MCTP2: variants seen among roughly 807,000 people sequenced by gnomAD.
MCTP2 encodes the protein multiple C2 and transmembrane domain containing 2, also known as multiple C2 and transmembrane domain-containing protein 2.
In MCTP2, 132 loss-of-function variants were observed where a neutral mutation model predicts 111.6. The observed-to-expected ratio is 1.18, with a 90% CI of 1.03 to 1.37. The LOEUF is 1.37. Among genes scored for constraint, MCTP2 ranks in the 40% most tolerant of loss-of-function variants. MCTP2 has a pLI of 0.00. For synonymous variants in MCTP2, 395 were observed against 387.7 expected, an observed-to-expected ratio of 1.02 and a Z score of -0.22; for missense variants, 1,183 against 1,067.9, an observed-to-expected ratio of 1.11 and a Z score of -1.50.
intron 1 of MCTP2, among the ~76,000 whole-genome samples, chr15:94,245,582 A>T (rs997794543): frequency 3.5e-5 from 5 of 144,616 alleles, no homozygotes; most frequent in African/African-American, 1.3e-4. Context: ...ATATACGTAT[A>T]TGTACATATA....
At chr15:94,270,554 C>T (rs1175430883) in intron 1 of MCTP2, among the ~76,000 whole-genome samples, 1 of 150,718 alleles carries the variant, frequency 6.6e-6, no homozygotes, top group East Asian at 1.9e-4. Flanking sequence ...TCCTGGTGGT[C>T]CCCCTCTCTG....
intron 10 of MCTP2, among the ~76,000 whole-genome samples, chr15:94,359,598 C>T (rs1325769351): frequency 1.3e-5 from 2 of 152,130 alleles, no homozygotes; most frequent in Non-Finnish European, 2.9e-5. Flanking sequence ...CAGCTTTTGC[C>T]TGTGCTCTGT....
At chr15:94,309,928 C>T (rs920683055) in intron 2 of MCTP2, among the ~76,000 whole-genome samples, 1 of 152,194 alleles carries the variant, frequency 6.6e-6, no homozygotes, top group Non-Finnish European at 1.5e-5. Context: ...TAATAGTGCT[C>T]ATTCCAAGAT....
At chr15:94,346,942 G>A (rs973614662) in intron 8 of MCTP2, among the ~76,000 whole-genome samples, 1 of 151,838 alleles carries the variant, frequency 6.6e-6, no homozygotes, top group Admixed American at 6.6e-5. Context: ...GTAGTTTCTC[G>A]AATTTGACTT....
chr15:94,329,894 T>C (rs1276801826), intron 4 of MCTP2, among the ~76,000 whole-genome samples: 1 of 152,216 alleles, frequency 6.6e-6, no homozygotes, highest in Non-Finnish European at 1.5e-5. Context: ...CATCGTATGG[T>C]AGGTCTCCAG....
intron 19 of MCTP2, among the ~76,000 whole-genome samples, chr15:94,454,385 A>G (rs1424604272): frequency 3.3e-5 from 5 of 152,200 alleles, no homozygotes; most frequent in Non-Finnish European, 7.3e-5. Flanking sequence ...ATGTTCCACC[A>G]CTTGCAAAGT....
chr15:94,306,540 TA>T (rs964252913), intron 2 of MCTP2, among the ~76,000 whole-genome samples: 1 of 152,160 alleles, frequency 6.6e-6, no homozygotes, highest in East Asian at 1.9e-4. Context: ...GATCTGGAGA[TA>T]AAAAAAGTTG....
In MCTP2 at chr15:94,250,478, TA is replaced by T. The variant is rs1181313784; in HGVS notation, c.-66+18816del. Among the ~76,000 whole-genome samples the T allele has an allele frequency of 3.3e-5, 5 of 152,326 alleles. No homozygotes were observed. The East Asian group carries it at 5.8e-4, about 18-fold the overall frequency. On this transcript the variant is annotated intron_variant, in intron 1 of 22. Transcript: ENST00000357742. ...ACTGGATTTTTGTATGGATTTTCTCTAATATACTCTAAATCTAAAAACACAT... is the reference window on the plus strand; with the variant it reads ...ACTGGATTTTTGTATGGATTTTCTCTATATACTCTAAATCTAAAAACACAT...
intron 10 of MCTP2, among the ~76,000 whole-genome samples, chr15:94,366,437 T>C (rs2079189104): frequency 6.6e-6 from 1 of 152,204 alleles, no homozygotes; most frequent in Admixed American, 6.5e-5. Flanking sequence ...TCTTTTAATG[T>C]CATATTTATT....
chr15:94,351,230 G>T (rs1357238927), intron 8 of MCTP2, among the ~76,000 whole-genome samples: 5 of 152,128 alleles, frequency 3.3e-5, no homozygotes, highest in Admixed American at 1.3e-4. Flanking sequence ...GTAGTTCTAG[G>T]AGAATTTATG....
At chr15:94,411,686 A>G (rs1377620195) in intron 17 of MCTP2, among the ~76,000 whole-genome samples, 2 of 152,096 alleles carry the variant, frequency 1.3e-5, no homozygotes, top group Admixed American at 6.6e-5. Flanking sequence ...TGGCTTTTTA[A>G]ATAACAGATG....
rs145896832 is a variant in MCTP2 at position 94,462,835 on chromosome 15, T to G, written c.2360+4589T>G. Among the ~76,000 whole-genome samples the G allele has an allele frequency of 5.0e-3, 767 of 152,348 alleles. 4 individuals are homozygous for G. Among genetic ancestry groups the G allele is most frequent in the African/African-American group, 0.017 (702 of 41,572 alleles). On this transcript the variant is annotated intron_variant, in intron 20 of 22. Coordinates refer to ENST00000357742, the MANE Select transcript of MCTP2 (RefSeq NM_001385001.1). Reference sequence around the variant, plus strand: ...TTCTGCTTCATAAAATTTAAATGAATTAGTACATATAAAGAGTTTAGACCA... The same window carrying G: ...TTCTGCTTCATAAAATTTAAATGAAGTAGTACATATAAAGAGTTTAGACCA...
At chr15:94,367,153 C>T (rs2079226000) in intron 10 of MCTP2, among the ~76,000 whole-genome samples, 2 of 151,482 alleles carry the variant, frequency 1.3e-5, no homozygotes, top group East Asian at 1.9e-4. Context: ...TCTCCATTAA[C>T]CCTCTCCCAC....
At chr15:94,265,069 G>A (rs148147729) in intron 1 of MCTP2, among the ~76,000 whole-genome samples, 21 of 152,176 alleles carry the variant, frequency 1.4e-4, no homozygotes, top group African/African-American at 5.1e-4. Context: ...TTTGTGATAT[G>A]TTTGTGTATA....
intron 1 of MCTP2, among the ~76,000 whole-genome samples, chr15:94,262,969 C>T (rs149649772): frequency 1.4e-4 from 21 of 152,232 alleles, no homozygotes; most frequent in African/African-American, 5.1e-4. Flanking sequence ...CTGCACCTGG[C>T]CTTATTTCTT....
At chr15:94,355,360 G>A (rs1248345887) in intron 8 of MCTP2, among the ~76,000 whole-genome samples, 1 of 152,188 alleles carries the variant, frequency 6.6e-6, no homozygotes, top group African/African-American at 2.4e-5. Flanking sequence ...TTACCTTTGT[G>A]TATGTTTGAA....
chr15:94,464,134 A>G (rs968486437), intron 20 of MCTP2, among the ~76,000 whole-genome samples: 5 of 148,986 alleles, frequency 3.4e-5, no homozygotes, highest in African/African-American at 9.9e-5. Context: ...GGAGTTTGAT[A>G]TCATTACTTC....
chr15:94,464,053 C>T (rs1478922316), intron 20 of MCTP2, among the ~76,000 whole-genome samples: 1 of 150,762 alleles, frequency 6.6e-6, no homozygotes, highest in Non-Finnish European at 1.5e-5. Flanking sequence ...TTTCTTGTGG[C>T]TAGAAGTTTA....
At chr15:94,364,513 C>G (rs80139327) in intron 10 of MCTP2, among the ~76,000 whole-genome samples, 2,903 of 152,138 alleles carry the variant, frequency 0.019, 90 homozygotes, top group African/African-American at 0.066. Flanking sequence ...CTAGATTCTT[C>G]TTTTGAGATT....
Sources: allele counts gnomAD v4.1 joint callset (sites outside exome capture counted in the v4.1 genomes callset), GRCh38; gene constraint gnomAD v4.1.1; transcripts MANE v1.5; gene names NCBI Gene and HGNC (gene_info 2026-07-23, HGNC 2026-07-21).